The following DRC1 variants were observed in gnomAD, a reference collection of about 807,000 sequenced individuals.
DRC1 encodes the protein dynein regulatory complex subunit 1.
Under a neutral mutation model 98.7 loss-of-function variants are expected in DRC1, and 74 were observed. The observed-to-expected ratio is 0.75, with a 90% CI of 0.62 to 0.91. The LOEUF is 0.91. Among genes scored for constraint, DRC1 ranks in the 40% least tolerant of loss-of-function variants. DRC1 has a pLI of 0.00. For missense variants in DRC1, 875 were observed against 886.0 expected (o/e 0.99, Z 0.16); for synonymous variants, 336 against 334.1 (o/e 1.01, Z -0.06).
At chr2:26,436,961 G>T (rs894559256) in intron 7 of DRC1, among the ~76,000 whole-genome samples, 4 of 152,184 alleles carry the variant, frequency 2.6e-5, no homozygotes, top group Non-Finnish European at 5.9e-5. Context: ...GTGCTCATAC[G>T]TTCTCAGATG....
At chr2:26,410,254 T>TTATTAG (rs1348138242) in intron 1 of DRC1, among the ~76,000 whole-genome samples, 5 of 137,076 alleles carry the variant, frequency 3.6e-5, no homozygotes, top group Non-Finnish European at 7.7e-5. Context: ...AATATTATTA[T>TTATTAG]TATTATTATT....
intron 13 of DRC1, among the ~76,000 whole-genome samples, chr2:26,451,663 C>G (rs959950121): frequency 1.3e-5 from 2 of 151,750 alleles, no homozygotes; most frequent in Admixed American, 6.6e-5. Context: ...TGCATTTCAG[C>G]CTGGGTGACA....
intron 7 of DRC1, among the ~76,000 whole-genome samples, chr2:26,439,835 C>T (rs1663663920): frequency 6.7e-6 from 1 of 149,510 alleles, no homozygotes; most frequent in Admixed American, 6.7e-5. Context: ...TCTAAAAATG[C>T]AGGCTGAGGC....
At chr2:26,421,744 GA>G (rs542181152) in intron 3 of DRC1, among the ~76,000 whole-genome samples, 25 of 152,000 alleles carry the variant, frequency 1.6e-4, no homozygotes, top group South Asian at 1.0e-3. Flanking sequence ...ATTTTTAGTA[GA>G]GACGGGGTTT....
chr2:26,454,906 C>G lies in DRC1; in HGVS notation c.2063+116C>G. On this transcript the variant is annotated intron_variant, in intron 15 of 16. Coordinates refer to ENST00000288710, the MANE Select transcript of DRC1 (RefSeq NM_145038.5). The surrounding 1 kb of genome is among the most constrained non-coding windows in gnomAD (Gnocchi z 5.2). ...ACTGAACCTGGGAGGGAAGAGCTGC[C>G]CTTGGCATCTCCTGTGTGGGTGGAT... The G allele has an allele frequency of 6.5e-7, 1 of 1,532,480 alleles. No individual in the cohort carries two copies. Among genetic ancestry groups the G allele is most frequent in the African/African-American group, 1.4e-5 (1 of 73,434 alleles). 94.9% of individuals were successfully genotyped at this position (1,532,480 alleles called of 1,614,324 possible).
At chr2:26,444,152 A>G in intron 8 of DRC1, 70 bp from the exon 9 acceptor site, 1 of 1,600,224 alleles carries the variant, frequency 6.2e-7, no homozygotes, top group African/African-American at 1.3e-5. Flanking sequence ...GAGCTGAATC[A>G]GGTGGATGAG....
chr2:26,426,838 A>G (rs979504916), intron 4 of DRC1, among the ~76,000 whole-genome samples: 3 of 152,220 alleles, frequency 2.0e-5, no homozygotes, highest in African/African-American at 7.2e-5. Context: ...CACTGAATCT[A>G]TAGATCACTT....
At chr2:26,403,658 G>A (rs1678324489) in intron 1 of DRC1, among the ~76,000 whole-genome samples, 1 of 152,162 alleles carries the variant, frequency 6.6e-6, no homozygotes, top group East Asian at 1.9e-4. Context: ...AGCCAGGTGT[G>A]GTGGCAGGCA....
At chr2:26,453,577 T>C in intron 14 of DRC1, 28 bp downstream of exon 14, 1 of 1,602,528 alleles carries the variant, frequency 6.2e-7, no homozygotes, top group East Asian at 2.2e-5. Context: ...AAGGCTTGCC[T>C]GAGACCAGAA....
chr2:26,448,052 C>T (rs1355542264), intron 10 of DRC1, among the ~76,000 whole-genome samples: 1 of 150,932 alleles, frequency 6.6e-6, no homozygotes, highest in Non-Finnish European at 1.5e-5. Context: ...TGGCAAAACC[C>T]CATCTCTACG....
chr2:26,427,930 G>C (rs939936881), intron 4 of DRC1, among the ~76,000 whole-genome samples: 1 of 152,178 alleles, frequency 6.6e-6, no homozygotes, highest in South Asian at 2.1e-4. Context: ...TGGCTGAATA[G>C]TACTCCCTTG....
At chr2:26,421,125 A>G (rs1663127933) in intron 2 of DRC1, 163 bp from the exon 3 acceptor site, 2 of 524,684 alleles carry the variant, frequency 3.8e-6, no homozygotes, top group Non-Finnish European at 3.4e-6. Flanking sequence ...GTCCTGATAG[A>G]AAAGGGTTGC....
At chr2:26,449,964 C>T in intron 11 of DRC1, 32 bp from the exon 12 acceptor site, 1 of 1,603,914 alleles carries the variant, frequency 6.2e-7, no homozygotes, top group Non-Finnish European at 8.5e-7. Flanking sequence ...AAACCTGTCC[C>T]CGACAGGAGA....
intron 10 of DRC1, among the ~76,000 whole-genome samples, chr2:26,448,090 C>T (rs918394182): frequency 1.1e-4 from 17 of 151,102 alleles, no homozygotes; most frequent in Admixed American, 2.6e-4. Context: ...CCAGGTGTCG[C>T]GGTGGGTGTC....
intron 1 of DRC1, among the ~76,000 whole-genome samples, chr2:26,409,445 G>A (rs1473599171): frequency 6.6e-6 from 1 of 151,168 alleles, no homozygotes; most frequent in Middle Eastern, 3.2e-3. Context: ...CCTTTATGTA[G>A]TTTTTTTTTA....
intron 10 of DRC1, among the ~76,000 whole-genome samples, chr2:26,447,089 C>CA (rs879665933): frequency 1.0e-4 from 15 of 148,006 alleles, no homozygotes; most frequent in Non-Finnish European, 1.9e-4. Flanking sequence ...GCCTCTTTCT[C>CA]AAAAAAATAA....
chr2:26,453,213 A>C, intron 13 of DRC1, 107 bp from the exon 14 acceptor site: 2 of 1,340,320 alleles, frequency 1.5e-6, no homozygotes, highest in Admixed American at 2.0e-5. Flanking sequence ...TCCCTGGGCA[A>C]GCTGTCACTT....
chr2:26,448,488 A>G, intron 10 of DRC1: 1 of 695,292 alleles, frequency 1.4e-6, no homozygotes, highest in South Asian at 1.5e-5. Context: ...TTCTCCAGGT[A>G]GTCTCTGATT....
intron 2 of DRC1, among the ~76,000 whole-genome samples, chr2:26,420,888 T>A (rs1387543475): frequency 1.3e-5 from 2 of 151,934 alleles, no homozygotes; most frequent in Non-Finnish European, 2.9e-5. Context: ...CTCAGCCTGC[T>A]GAGTAGCTGG....
Sources: gnomAD v4.1 joint callset for allele counts (sites outside exome capture counted in the v4.1 genomes callset) on GRCh38, gnomAD v4.1.1 for gene constraint, Gnocchi (gnomAD v3.1) non-coding constraint, MANE v1.5 for transcripts, NCBI Gene and HGNC (gene_info 2026-07-23, HGNC 2026-07-21) for gene names.